The following MYOM1 variants were observed in gnomAD, a reference collection of about 807,000 sequenced individuals.
MYOM1 encodes the protein myomesin 1.
A neutral mutation model predicts 205.3 loss-of-function variants in MYOM1; 164 were observed. That is an observed-to-expected ratio of 0.80 (90% confidence interval 0.70 to 0.91). The LOEUF is 0.91. Ranked by LOEUF, MYOM1 falls within the 40% of genes least tolerant of loss-of-function variation. The pLI is 0.00. For synonymous variants in MYOM1, 772 were observed against 789.4 expected (o/e 0.98, Z 0.37); for missense variants, 2,011 against 2,127.3 (o/e 0.95, Z 1.08).
chr18:3,068,263 T>C (rs1299572600), intron 37 of MYOM1, among the ~76,000 whole-genome samples: 1 of 151,990 alleles, frequency 6.6e-6, no homozygotes, highest in Non-Finnish European at 1.5e-5. Flanking sequence ...CATGCAGTTG[T>C]AAGAAATAAT....
intron 20 of MYOM1, among the ~76,000 whole-genome samples, chr18:3,119,153 C>T (rs1399140057): frequency 5.3e-5 from 8 of 152,100 alleles, no homozygotes; most frequent in African/African-American, 1.7e-4. Context: ...CCACTTTCTT[C>T]CCTGCCCACC....
chr18:3,234,851 G>C, the MYOM1 span, among the ~76,000 whole-genome samples: 2 of 151,738 alleles, frequency 1.3e-5, no homozygotes, highest in Non-Finnish European at 2.9e-5. Context: ...GATAGTCAGA[G>C]TACACTCTCC....
In MYOM1 at chr18:3,083,595, ATTTTTTT is replaced by A. The variant is rs59299057; in HGVS notation, c.4484+187_4484+193del. ...AGGTGTCTGCCACTGCGCCCAGCTCATTTTTTTTTTTTTTTTTTTTTTGTATTTTTAG... is the reference window on the plus strand; with the variant it reads ...AGGTGTCTGCCACTGCGCCCAGCTCATTTTTTTTTTTTTTTGTATTTTTAG... On this transcript the variant is annotated intron_variant, in intron 33 of 37. Transcript: ENST00000356443. 2.5e-3 allele frequency among the ~76,000 whole-genome samples: 267 copies of A among 107,114 alleles called. 2 individuals are homozygous for A. The highest frequency in any genetic ancestry group is 8.2e-3 in the African/African-American group (232 of 28,398). The allele number at this position is 107,114 out of a possible 152,430, so 70.3% of individuals were successfully genotyped here. A position where few individuals can be genotyped will look rare whatever the true frequency, so the allele number is the denominator to read the frequency against.
At chr18:3,229,847 T>C in the MYOM1 span, among the ~76,000 whole-genome samples, 1 of 151,978 alleles carries the variant, frequency 6.6e-6, no homozygotes, top group Non-Finnish European at 1.5e-5. Context: ...TGCATGCCTG[T>C]AATCCCAGCT....
intron 1 of MYOM1, among the ~76,000 whole-genome samples, chr18:3,216,197 G>T (rs1459034882): frequency 6.6e-6 from 1 of 152,184 alleles, no homozygotes; most frequent in Non-Finnish European, 1.5e-5. Context: ...GAACTCAGAG[G>T]CGGAGTTTGC....
chr18:3,105,615 G>GA (rs1301632712), intron 22 of MYOM1, among the ~76,000 whole-genome samples: 1 of 152,140 alleles, frequency 6.6e-6, no homozygotes, highest in Non-Finnish European at 1.5e-5. Context: ...AGCACTTTAG[G>GA]AGGCCGTGGC....
At chr18:3,100,481 G>T in intron 23 of MYOM1, 55 bp from the exon 24 acceptor site, 1 of 1,310,428 alleles carries the variant, frequency 7.6e-7, no homozygotes, top group African/African-American at 1.5e-5. Context: ...CTGTGGGCCT[G>T]TGTTTCCCCT....
chr18:3,194,264 T>C (rs1253044938), intron 2 of MYOM1, among the ~76,000 whole-genome samples: 5 of 152,228 alleles, frequency 3.3e-5, no homozygotes, highest in Non-Finnish European at 7.3e-5. Context: ...TGCCCTTTTG[T>C]GTTAATGTCA....
chr18:3,205,228 T>G (rs888284630), intron 2 of MYOM1, among the ~76,000 whole-genome samples: 5 of 152,018 alleles, frequency 3.3e-5, no homozygotes, highest in African/African-American at 9.7e-5. Flanking sequence ...TGAACTGAAC[T>G]TCATCAAAAT....
At chr18:3,120,914 A>T (rs1279351777) in intron 19 of MYOM1, among the ~76,000 whole-genome samples, 1 of 152,254 alleles carries the variant, frequency 6.6e-6, no homozygotes, top group African/African-American at 2.4e-5. Flanking sequence ...AGTGTGAAAA[A>T]CATTTGTAGG....
At chr18:3,110,637 T>A (rs1269829754) in intron 22 of MYOM1, among the ~76,000 whole-genome samples, 1 of 152,202 alleles carries the variant, frequency 6.6e-6, no homozygotes. Flanking sequence ...AAAGTACAGT[T>A]CACAAGCCTG....
chr18:3,123,834 T>TA (rs1306072471), intron 19 of MYOM1, among the ~76,000 whole-genome samples: 8 of 151,236 alleles, frequency 5.3e-5, no homozygotes, highest in South Asian at 4.2e-4. Flanking sequence ...TTTATTTATT[T>TA]TTTTTGAGAC....
upstream of MYOM1, among the ~76,000 whole-genome samples, chr18:3,223,286 A>G (rs553039158): frequency 1.3e-5 from 2 of 152,346 alleles, no homozygotes; most frequent in African/African-American, 4.8e-5. Context: ...TATAGCAAAT[A>G]GTCATTAAAT....
intron 2 of MYOM1, among the ~76,000 whole-genome samples, chr18:3,201,125 G>C (rs564900798): frequency 6.6e-6 from 1 of 152,178 alleles, no homozygotes; most frequent in African/African-American, 2.4e-5. Context: ...CTGGCCGGGC[G>C]CAGTGGCTCA....
intron 9 of MYOM1, among the ~76,000 whole-genome samples, chr18:3,166,269 T>A (rs111322976): frequency 0.01 from 1,286 of 122,684 alleles, 17 homozygotes; most frequent in African/African-American, 0.041. Flanking sequence ...AAGTCTTTTT[T>A]TTTTTTTTTT....
intron 25 of MYOM1, among the ~76,000 whole-genome samples, chr18:3,095,459 T>G (rs915715515): frequency 1.3e-5 from 2 of 151,920 alleles, no homozygotes; most frequent in Non-Finnish European, 2.9e-5. Context: ...TCCCAGCTAC[T>G]CAAGAGGCTG....
intron 29 of MYOM1, among the ~76,000 whole-genome samples, 188 bp downstream of exon 29, chr18:3,088,986 T>A: frequency 6.6e-6 from 1 of 152,238 alleles, no homozygotes. Context: ...CCTTGCCTTG[T>A]CATATTTTAT....
At chr18:3,142,483 C>G (rs2080065592) in intron 13 of MYOM1, among the ~76,000 whole-genome samples, 1 of 152,014 alleles carries the variant, frequency 6.6e-6, no homozygotes, top group Admixed American at 6.6e-5. Flanking sequence ...GTTGCCCAGG[C>G]TGGTCTTGAA....
chr18:3,176,194 C>T, intron 5 of MYOM1, 60 bp from the exon 6 acceptor site: 1 of 947,420 alleles, frequency 1.1e-6, no homozygotes, highest in Non-Finnish European at 1.7e-6. Context: ...CATGATTAAA[C>T]ACACACACAA....
Sources: gnomAD v4.1 joint callset for allele counts (sites outside exome capture counted in the v4.1 genomes callset) on GRCh38, gnomAD v4.1.1 for gene constraint, MANE v1.5 for transcripts, NCBI Gene and HGNC (gene_info 2026-07-23, HGNC 2026-07-21) for gene names.